The following FILIP1L variants were observed in gnomAD, a reference collection of about 807,000 sequenced individuals.
The protein encoded by FILIP1L is filamin A interacting protein 1 like.
Under a neutral mutation model 96.6 loss-of-function variants are expected in FILIP1L, and 55 were observed. That is an observed-to-expected ratio of 0.57 (90% CI 0.46 to 0.71). FILIP1L has a LOEUF of 0.71. FILIP1L is among the 30% of genes least tolerant of loss of function. The pLI is 0.00. For synonymous variants in FILIP1L, 467 were observed against 473.9 expected (o/e 0.99, Z 0.19); for missense variants, 1,304 against 1,321.2 (o/e 0.99, Z 0.20).
chr3:100,014,157 C>CT (rs1014321841), intron 1 of FILIP1L, among the ~76,000 whole-genome samples: 48 of 150,974 alleles, frequency 3.2e-4, no homozygotes, highest in African/African-American at 1.2e-3. Context: ...GAATTTCTTT[C>CT]TTTGTAAACC....
At chr3:99,937,191 G>T (rs933422874) in intron 1 of FILIP1L, among the ~76,000 whole-genome samples, 1 of 152,130 alleles carries the variant, frequency 6.6e-6, no homozygotes, top group African/African-American at 2.4e-5. Context: ...ACCCGCCTCA[G>T]CCTCCCAAAG....
rs767618588 is a variant in FILIP1L, at chr3:99,861,525, C to T, written c.606-10455G>A. On this transcript the variant is annotated intron_variant, in intron 4 of 5. Coordinates refer to ENST00000477258, the MANE Select transcript of FILIP1L (RefSeq NM_001387850.1). Reference sequence around the variant, plus strand: ...ATGCTTTCATTGTTTATCATTGTCTCCATTCCTTCCTCCCACTCTCTGCAG... The same window carrying T: ...ATGCTTTCATTGTTTATCATTGTCTTCATTCCTTCCTCCCACTCTCTGCAG... 3.9e-5 allele frequency among the ~76,000 whole-genome samples: 6 copies of T among 152,292 alleles called. 1 individual carries two copies. In the East Asian group the frequency reaches 7.7e-4, roughly 20 times the overall value.
intron 4 of FILIP1L, among the ~76,000 whole-genome samples, chr3:99,859,098 T>C (rs1477704136): frequency 1.3e-5 from 2 of 152,244 alleles, no homozygotes; most frequent in Non-Finnish European, 2.9e-5. Flanking sequence ...TGTGTTTTGT[T>C]TGAAACTCCA....
chr3:99,865,293 G>T (rs553624853), intron 4 of FILIP1L, among the ~76,000 whole-genome samples: 2 of 152,296 alleles, frequency 1.3e-5, no homozygotes, highest in Admixed American at 1.3e-4. Context: ...CAGAATGCCA[G>T]TGTAGTTTTT....
intron 1 of FILIP1L, among the ~76,000 whole-genome samples, chr3:100,047,128 T>C (rs1429109627): frequency 6.6e-6 from 1 of 152,188 alleles, no homozygotes; most frequent in African/African-American, 2.4e-5. Flanking sequence ...TCCTTGTTGG[T>C]AAAATGGGTA....
chr3:99,913,226 C>T (rs1269939187), intron 4 of FILIP1L, among the ~76,000 whole-genome samples: 3 of 152,196 alleles, frequency 2.0e-5, no homozygotes, highest in African/African-American at 4.8e-5. Flanking sequence ...ATTTTGTCAT[C>T]ACAGCCCCAG....
intron 1 of FILIP1L, among the ~76,000 whole-genome samples, chr3:99,935,874 C>T (rs1440411601): frequency 6.6e-6 from 1 of 152,118 alleles, no homozygotes; most frequent in African/African-American, 2.4e-5. Flanking sequence ...TGCAAGAGGA[C>T]TAGAAGAGAG....
At chr3:99,971,797 C>T (rs577254029) in intron 1 of FILIP1L, among the ~76,000 whole-genome samples, 1 of 152,280 alleles carries the variant, frequency 6.6e-6, no homozygotes, top group African/African-American at 2.4e-5. Flanking sequence ...TAAAAGAGAA[C>T]AGAGTCGGTT....
intron 5 of FILIP1L, among the ~76,000 whole-genome samples, chr3:99,832,361 G>A (rs191843138): frequency 2.3e-3 from 350 of 150,888 alleles, no homozygotes; most frequent in Non-Finnish European, 4.2e-3. Flanking sequence ...CTCCCCAGTA[G>A]CTGGGACCAC....
chr3:99,867,205 C>G (rs554369783), intron 4 of FILIP1L, among the ~76,000 whole-genome samples: 1 of 152,298 alleles, frequency 6.6e-6, no homozygotes, highest in South Asian at 2.1e-4. Flanking sequence ...TCTCTTGGCC[C>G]TGGGTCTGCT....
intron 4 of FILIP1L, among the ~76,000 whole-genome samples, chr3:99,888,767 T>G (rs1705990846): frequency 6.6e-6 from 1 of 152,188 alleles, no homozygotes; most frequent in African/African-American, 2.4e-5. Context: ...TCTATAACCA[T>G]CTTTGTTGAT....
chr3:100,042,943 A>G (rs16841908), intron 1 of FILIP1L, among the ~76,000 whole-genome samples: 4,299 of 152,382 alleles, frequency 0.028, 76 homozygotes, highest in Non-Finnish European at 0.045. Flanking sequence ...GGAAAAATGT[A>G]AAGTCCTACA....
intron 1 of FILIP1L, among the ~76,000 whole-genome samples, chr3:100,006,846 T>C (rs1710002916): frequency 6.6e-6 from 1 of 152,218 alleles, no homozygotes; most frequent in Admixed American, 6.5e-5. Context: ...TGCATTGTCT[T>C]AAGCTATTTG....
intron 1 of FILIP1L, among the ~76,000 whole-genome samples, chr3:99,987,345 A>G (rs1219054847): frequency 6.6e-6 from 1 of 151,876 alleles, no homozygotes; most frequent in Non-Finnish European, 1.5e-5. Flanking sequence ...CTTGGGCAAG[A>G]TGGTGAAACC....
intron 4 of FILIP1L, among the ~76,000 whole-genome samples, chr3:99,888,655 C>G (rs1174360130): frequency 6.6e-6 from 1 of 152,150 alleles, no homozygotes; most frequent in Non-Finnish European, 1.5e-5. Context: ...ATTTTATATA[C>G]TGGCTGTGGA....
rs1020446896 is a variant in FILIP1L, at chr3:99,829,174, A to G, written c.*1240T>C. 1.3e-5 allele frequency among the ~76,000 whole-genome samples: 2 copies of G among 152,178 alleles called. No homozygotes were observed. The highest frequency in any genetic ancestry group is 4.8e-5 in the African/African-American group (2 of 41,446). ...AACCATGAGGATTTCTTCCAGGGTC[A>G]TGCTTCCAGTTTTTAGTGAAGGATC... On this transcript the variant is annotated 3_prime_UTR_variant, in exon 6 of 6. Transcript: ENST00000477258.
intron 1 of FILIP1L, among the ~76,000 whole-genome samples, chr3:99,979,034 C>T (rs539254034): frequency 6.6e-6 from 1 of 151,906 alleles, no homozygotes; most frequent in Admixed American, 6.6e-5. Flanking sequence ...CACTGTAGGG[C>T]GACTAGAGGG....
In FILIP1L at chr3:100,033,082, G is replaced by A. The variant is rs550482728; in HGVS notation, c.-11+80971C>T. Among the ~76,000 whole-genome samples, 33 of 151,800 alleles carry A rather than the reference G, an allele frequency of 2.2e-4. No individual in the cohort carries two copies. In the South Asian group the frequency reaches 6.7e-3, roughly 31 times the overall value. On this transcript the variant is annotated intron_variant, in intron 1 of 5. Coordinates refer to ENST00000477258, the MANE Select transcript of FILIP1L (RefSeq NM_001387850.1). ...GTAACCAAAAAAAAAAAAGAATTCA[G>A]GAAAACTATCTTCAACTATATTGCT...
At chr3:100,014,672 T>C (rs1710266767) in intron 1 of FILIP1L, among the ~76,000 whole-genome samples, 2 of 152,068 alleles carry the variant, frequency 1.3e-5, no homozygotes, top group Non-Finnish European at 1.5e-5. Flanking sequence ...TCATTTTTAA[T>C]TGGGTTGTTT....
Sources: allele counts gnomAD v4.1 joint callset (sites outside exome capture counted in the v4.1 genomes callset), GRCh38; gene constraint gnomAD v4.1.1; transcripts MANE v1.5; gene names NCBI Gene and HGNC (gene_info 2026-07-23, HGNC 2026-07-21).